The following CLIC4 variants were observed in gnomAD, a reference collection of about 807,000 sequenced individuals.
CLIC4 encodes the protein chloride intracellular channel protein 4.
In CLIC4, 13 loss-of-function variants were observed where a neutral mutation model predicts 24.6. The observed-to-expected ratio is 0.53, with a 90% confidence interval of 0.34 to 0.84. The LOEUF (loss-of-function observed/expected upper bound fraction) is 0.84, where lower values mean the gene tolerates loss of function less well. Ranked by LOEUF, CLIC4 falls within the 40% of genes least tolerant of loss-of-function variation. The pLI is 0.01. For synonymous variants in CLIC4, 104 were observed against 111.3 expected (o/e 0.93, Z 0.41); for missense variants, 227 against 301.7 (o/e 0.75, Z 1.83).
chr1:24,797,827 G>T lies in CLIC4; in HGVS notation c.158G>T (p.Ser53Ile). 6.2e-7 allele frequency: 1 copy of T among 1,613,026 alleles called. No individual in the cohort carries two copies. Among genetic ancestry groups the T allele is most frequent in the South Asian group, 1.1e-5 (1 of 90,818 alleles). ...MILWLKGVVF[S>I]VTTVDLKRKP... ...CTTTGGCTCAAAGGAGTTGTATTTA[G>T]TGTGACGACTGTTGACCTGAAAAGG... Residue 53 changes from serine (S) to isoleucine (I), a missense_variant, in exon 2 of 6, where the codon AGT (serine) becomes ATT (isoleucine). Physicochemically the swap from Ser to Ile is moderately radical, Grantham distance 142. Coordinates refer to ENST00000374379, the MANE Select transcript of CLIC4 (RefSeq NM_013943.3).
At chr1:24,812,644 C>T (rs760422649) in intron 2 of CLIC4, among the ~76,000 whole-genome samples, 4 of 151,814 alleles carry the variant, frequency 2.6e-5, no homozygotes, top group Non-Finnish European at 2.9e-5. Context: ...ATTTTCTTAC[C>T]ATAAATTATG....
At chr1:24,802,482 T>G (rs775375407) in intron 2 of CLIC4, among the ~76,000 whole-genome samples, 5 of 152,024 alleles carry the variant, frequency 3.3e-5, no homozygotes, top group Non-Finnish European at 5.9e-5. Flanking sequence ...TTATGTAAAA[T>G]CAATGGTAGA....
chr1:24,752,755 G>T lies in CLIC4; in HGVS notation c.72+7130G>T, dbSNP rs574045929. ...TTATTTTTTTTTGAGACGGAGTCTCGCTCTGTCGCCAGACTGGAATGCAGT... is the reference window on the plus strand; with the variant it reads ...TTATTTTTTTTTGAGACGGAGTCTCTCTCTGTCGCCAGACTGGAATGCAGT... On this transcript the variant is annotated intron_variant, in intron 1 of 5. Coordinates refer to ENST00000374379, the MANE Select transcript of CLIC4 (RefSeq NM_013943.3). Among the ~76,000 whole-genome samples the T allele has an allele frequency of 3.9e-5, 6 of 152,118 alleles. No individual in the cohort carries two copies. In the South Asian group the frequency reaches 1.2e-3, roughly 32 times the overall value.
At chr1:24,793,915 T>C (rs955678102) in intron 1 of CLIC4, among the ~76,000 whole-genome samples, 1 of 152,230 alleles carries the variant, frequency 6.6e-6, no homozygotes, top group Non-Finnish European at 1.5e-5. Context: ...TTTAGGATAA[T>C]GAACAGTACT....
chr1:24,819,739 A>C (rs1182640780), intron 3 of CLIC4, among the ~76,000 whole-genome samples: 1 of 148,430 alleles, frequency 6.7e-6, no homozygotes, highest in African/African-American at 2.5e-5. Context: ...GCGCCTGACC[A>C]TAACTTTTTT....
At chr1:24,840,596 T>G (rs1478725671) in intron 5 of CLIC4, among the ~76,000 whole-genome samples, 177 bp from the exon 6 acceptor site, 1 of 152,226 alleles carries the variant, frequency 6.6e-6, no homozygotes, top group African/African-American at 2.4e-5. Flanking sequence ...CTGGTGTAGC[T>G]TGCAGTCTTG....
chr1:24,840,171 A>G, intron 5 of CLIC4, 130 bp downstream of exon 5: 4 of 766,918 alleles, frequency 5.2e-6, no homozygotes, highest in Non-Finnish European at 6.2e-6. Flanking sequence ...TGTTTAGGCA[A>G]TAGTTGAAGC....
chr1:24,797,938 C>G (rs1639423199), intron 2 of CLIC4, 87 bp downstream of exon 2: 2 of 873,590 alleles, frequency 2.3e-6, no homozygotes, highest in South Asian at 1.5e-5. Flanking sequence ...CACATATTCT[C>G]TAAAGGAAAT....
chr1:24,763,986 T>G (rs1421687248), intron 1 of CLIC4, among the ~76,000 whole-genome samples: 2 of 152,238 alleles, frequency 1.3e-5, no homozygotes, highest in African/African-American at 2.4e-5. Flanking sequence ...AGGCATTCAG[T>G]AAGTCTTATT....
chr1:24,745,904 T>C, intron 1 of CLIC4, among the ~76,000 whole-genome samples: 1 of 150,442 alleles, frequency 6.6e-6, no homozygotes, highest in East Asian at 2.0e-4. Flanking sequence ...CCCGGGTGGG[T>C]CGGGAAGAGC....
intron 4 of CLIC4, among the ~76,000 whole-genome samples, chr1:24,837,245 C>A: frequency 6.6e-6 from 1 of 151,922 alleles, no homozygotes; most frequent in South Asian, 2.1e-4. Flanking sequence ...AGGAGGATTG[C>A]TACAGATCTT....
chr1:24,754,729 C>T (rs929616610), intron 1 of CLIC4, among the ~76,000 whole-genome samples: 7 of 151,730 alleles, frequency 4.6e-5, no homozygotes, highest in Non-Finnish European at 7.4e-5. Context: ...CGAGACTTGC[C>T]TCTTATCTCT....
intron 4 of CLIC4, among the ~76,000 whole-genome samples, chr1:24,837,622 A>G (rs4648878): frequency 0.59 from 89,576 of 152,052 alleles, 28,628 homozygotes; most frequent in Non-Finnish European, 0.71. Context: ...TCTTTAATAT[A>G]GATGCAAAAG....
intron 4 of CLIC4, among the ~76,000 whole-genome samples, chr1:24,835,906 C>G (rs1407237938): frequency 6.6e-6 from 1 of 151,980 alleles, no homozygotes; most frequent in Non-Finnish European, 1.5e-5. Flanking sequence ...TTTAAATATT[C>G]CAAATGAAAA....
At chr1:24,753,243 A>G (rs1638801527) in intron 1 of CLIC4, among the ~76,000 whole-genome samples, 1 of 152,238 alleles carries the variant, frequency 6.6e-6, no homozygotes, top group Non-Finnish European at 1.5e-5. Flanking sequence ...CTAGATGATC[A>G]CAAAGGTCTC....
chr1:24,819,716 G>C (rs1461112246), intron 3 of CLIC4, among the ~76,000 whole-genome samples: 1 of 151,292 alleles, frequency 6.6e-6, no homozygotes, highest in Non-Finnish European at 1.5e-5. Flanking sequence ...TGGGATTACA[G>C]GCATGAGCCA....
chr1:24,795,895 T>G (rs1293588859), intron 1 of CLIC4, among the ~76,000 whole-genome samples: 6 of 152,196 alleles, frequency 3.9e-5, no homozygotes, highest in Admixed American at 1.3e-4. Context: ...TAATGAATTT[T>G]TTTTGGAGGC....
intron 1 of CLIC4, among the ~76,000 whole-genome samples, chr1:24,762,109 A>G (rs1638933526): frequency 6.6e-6 from 1 of 152,174 alleles, no homozygotes; most frequent in Non-Finnish European, 1.5e-5. Flanking sequence ...ACACACACAT[A>G]GAATATTTGG....
chr1:24,787,796 C>T lies in CLIC4; in HGVS notation c.73-9946C>T, dbSNP rs1037798689. ...TCCTGACCTCGTGATCCACCTTCTTCGGCCTCCCAAAGTGCGGGGATTACA... is the reference window on the plus strand; with the variant it reads ...TCCTGACCTCGTGATCCACCTTCTTTGGCCTCCCAAAGTGCGGGGATTACA... On this transcript the variant is annotated intron_variant, in intron 1 of 5. Transcript: ENST00000374379. Among the ~76,000 whole-genome samples the T allele has an allele frequency of 9.3e-5, 14 of 149,770 alleles. No homozygotes were observed. In the South Asian group the frequency reaches 2.3e-3, roughly 25 times the overall value.
Sources: gnomAD v4.1 joint callset for allele counts (sites outside exome capture counted in the v4.1 genomes callset) on GRCh38, gnomAD v4.1.1 for gene constraint, MANE v1.5 for transcripts, NCBI Gene and HGNC (gene_info 2026-07-23, HGNC 2026-07-21) for gene names.